The following PHACTR1 variants were observed in gnomAD, a reference collection of about 807,000 sequenced individuals.
The protein encoded by PHACTR1 is phosphatase and actin regulator 1.
Under a neutral mutation model 69.2 loss-of-function variants are expected in PHACTR1, and 16 were observed. That is an observed-to-expected ratio of 0.23 (90% CI 0.16 to 0.35). The LOEUF (loss-of-function observed/expected upper bound fraction) is 0.35, where lower values mean the gene tolerates loss of function less well. Among genes scored for constraint, PHACTR1 ranks in the 10% least tolerant of loss-of-function variants. The pLI is 1.00. For synonymous variants in PHACTR1, 312 were observed against 284.5 expected (o/e 1.10, Z -0.97); for missense variants, 510 against 734.7 (o/e 0.69, Z 3.54).
At chr6:13,163,905 C>T (rs1759407496) in intron 6 of PHACTR1, among the ~76,000 whole-genome samples, 1 of 152,212 alleles carries the variant, frequency 6.6e-6, no homozygotes. Context: ...TAAGGGTTAA[C>T]ATGCTGTGAT....
At chr6:13,166,041 C>G (rs927068888) in intron 6 of PHACTR1, among the ~76,000 whole-genome samples, 1 of 152,172 alleles carries the variant, frequency 6.6e-6, no homozygotes, top group African/African-American at 2.4e-5. Context: ...TTCATCCCTC[C>G]TACAAACTCC....
At chr6:13,104,632 C>A (rs142491578) in intron 5 of PHACTR1, among the ~76,000 whole-genome samples, 2 of 152,216 alleles carry the variant, frequency 1.3e-5, no homozygotes, top group East Asian at 3.9e-4. Context: ...ATTGATACAG[C>A]CTTTCATTCT....
intron 5 of PHACTR1, among the ~76,000 whole-genome samples, chr6:13,062,630 C>T (rs1403426556): frequency 6.6e-6 from 1 of 152,146 alleles, no homozygotes; most frequent in African/African-American, 2.4e-5. Context: ...CCCTGGTGTC[C>T]AAGATGGTTG....
At chr6:12,828,516 G>A (rs1777053233) in intron 4 of PHACTR1, among the ~76,000 whole-genome samples, 1 of 152,044 alleles carries the variant, frequency 6.6e-6, no homozygotes, top group Non-Finnish European at 1.5e-5. Flanking sequence ...GTAATATTGG[G>A]TGACTTGTAG....
chr6:12,909,841 C>T (rs1217609111), intron 4 of PHACTR1, among the ~76,000 whole-genome samples: 1 of 152,196 alleles, frequency 6.6e-6, no homozygotes, highest in African/African-American at 2.4e-5. Flanking sequence ...TGCCCAGTAG[C>T]GTCTAAGCTC....
intron 9 of PHACTR1, 83 bp from the exon 10 acceptor site, chr6:13,229,954 T>G: frequency 7.0e-7 from 1 of 1,433,958 alleles, no homozygotes. Context: ...CCTTCCTGCC[T>G]TGTATCTTAT....
At chr6:12,854,108 A>G (rs1340576837) in intron 4 of PHACTR1, among the ~76,000 whole-genome samples, 1 of 152,198 alleles carries the variant, frequency 6.6e-6, no homozygotes, top group Non-Finnish European at 1.5e-5. Flanking sequence ...AACGTAACCT[A>G]GAGTTATGCC....
chr6:13,161,157 T>G (rs192892177), intron 6 of PHACTR1, among the ~76,000 whole-genome samples: 61 of 152,130 alleles, frequency 4.0e-4, no homozygotes, highest in African/African-American at 1.4e-3. Flanking sequence ...TTTTTGTATT[T>G]TTGTGCAGAC....
intron 4 of PHACTR1, among the ~76,000 whole-genome samples, chr6:13,014,328 G>A (rs1214834571): frequency 2.6e-5 from 4 of 152,172 alleles, no homozygotes; most frequent in African/African-American, 9.6e-5. Context: ...CCCAACCCGG[G>A]CTCGCAACCC....
intron 7 of PHACTR1, among the ~76,000 whole-genome samples, chr6:13,193,219 T>C (rs1763844548): frequency 6.6e-6 from 1 of 151,704 alleles, no homozygotes; most frequent in African/African-American, 2.4e-5. Context: ...CAACAGTGAA[T>C]AAATATCATC....
intron 4 of PHACTR1, among the ~76,000 whole-genome samples, chr6:12,846,960 C>G (rs188480369): frequency 3.9e-4 from 59 of 151,220 alleles, no homozygotes; most frequent in Admixed American, 8.6e-4. Flanking sequence ...AGGACACACG[C>G]CACACACCCT....
intron 4 of PHACTR1, among the ~76,000 whole-genome samples, chr6:12,960,354 C>T (rs958732789): frequency 2.6e-5 from 4 of 152,192 alleles, no homozygotes; most frequent in Admixed American, 2.6e-4. Flanking sequence ...CTTGAATGTG[C>T]CAGTGAGTAA....
At chr6:13,030,345 T>C (rs1802280384) in intron 4 of PHACTR1, among the ~76,000 whole-genome samples, 1 of 152,184 alleles carries the variant, frequency 6.6e-6, no homozygotes, top group Admixed American at 6.5e-5. Context: ...TTACACAGAG[T>C]TTCCTGTCAC....
At chr6:13,089,476 G>A (rs939811415) in intron 5 of PHACTR1, among the ~76,000 whole-genome samples, 13 of 152,170 alleles carry the variant, frequency 8.5e-5, no homozygotes, top group African/African-American at 2.9e-4. Flanking sequence ...GAATACGTCA[G>A]CTTGTTTCCT....
intron 4 of PHACTR1, among the ~76,000 whole-genome samples, chr6:13,008,077 T>C (rs563085599): frequency 2.0e-5 from 3 of 152,244 alleles, no homozygotes; most frequent in Non-Finnish European, 4.4e-5. Flanking sequence ...GATTGTTTTA[T>C]GCAATTGTTT....
intron 4 of PHACTR1, among the ~76,000 whole-genome samples, chr6:12,820,003 A>G (rs1287592801): frequency 6.6e-6 from 1 of 152,164 alleles, no homozygotes; most frequent in African/African-American, 2.4e-5. Context: ...AAACAACTCT[A>G]CACCCTAGCA....
intron 4 of PHACTR1, among the ~76,000 whole-genome samples, chr6:13,049,148 C>T (rs1805551303): frequency 6.6e-6 from 1 of 152,088 alleles, no homozygotes. Flanking sequence ...TTCAAAGGCA[C>T]TTCTAATTTC....
chr6:13,287,234 T>TTA lies in PHACTR1; in HGVS notation c.*158_*159dup. 1.2e-6 allele frequency: 1 copy of TTA among 852,654 alleles called. No homozygotes were observed. The allele number at this position is 852,654 out of a possible 1,614,324, so 52.8% of individuals were successfully genotyped here. On this transcript the variant is annotated 3_prime_UTR_variant, in exon 15 of 15. Coordinates refer to ENST00000332995, the MANE Select transcript of PHACTR1 (RefSeq NM_030948.6). Reference sequence around the variant, plus strand: ...AAATCAAGGAAACACAATCAGGATTTTATGTGTGAAAACGCAAAAGTGATG... The same window carrying TTA: ...AAATCAAGGAAACACAATCAGGATTTTATATGTGTGAAAACGCAAAAGTGATG...
chr6:13,136,775 G>A lies in PHACTR1; in HGVS notation c.416-23429G>A, dbSNP rs192964804. 3.6e-3 allele frequency among the ~76,000 whole-genome samples: 552 copies of A among 152,324 alleles called. 7 individuals carry two copies. The highest frequency in any genetic ancestry group is 0.013 in the African/African-American group (528 of 41,566). On this transcript the variant is annotated intron_variant, in intron 5 of 14. Transcript: ENST00000332995. ...TGTCTCAGGGAATAGGGAGGCCTGA[G>A]GAGAGGGAGAAAGATAGGAAATGGC...
Sources: allele counts gnomAD v4.1 joint callset (sites outside exome capture counted in the v4.1 genomes callset), GRCh38; gene constraint gnomAD v4.1.1; transcripts MANE v1.5; gene names NCBI Gene and HGNC (gene_info 2026-07-23, HGNC 2026-07-21).